Variants in CCDC148 observed in about 807,000 individuals in gnomAD.
The protein encoded by CCDC148 is coiled-coil domain containing 148, also known as coiled-coil domain-containing protein 148.
A neutral mutation model predicts 85.7 loss-of-function variants in CCDC148; 89 were observed. The observed-to-expected ratio is 1.04, with a 90% CI of 0.87 to 1.24. The LOEUF (loss-of-function observed/expected upper bound fraction) is 1.24, where lower values mean the gene tolerates loss of function less well. Among genes scored for constraint, CCDC148 ranks in the 50% most tolerant of loss-of-function variants. The probability of loss-of-function intolerance (pLI) is 0.00; values close to 1 mark genes in which losing one functional copy is unlikely to be tolerated. For synonymous variants in CCDC148, 230 were observed against 213.9 expected (o/e 1.08, Z -0.66); for missense variants, 692 against 671.7 (o/e 1.03, Z -0.33).
intron 9 of CCDC148, among the ~76,000 whole-genome samples, chr2:158,299,132 T>C (rs1322860166): frequency 6.6e-6 from 1 of 152,172 alleles, no homozygotes; most frequent in Non-Finnish European, 1.5e-5. Flanking sequence ...CGGCATGGCC[T>C]TTCTAGGGTT....
At chr2:158,371,947 C>T (rs1337869449) in intron 1 of CCDC148, among the ~76,000 whole-genome samples, 1 of 151,980 alleles carries the variant, frequency 6.6e-6, no homozygotes, top group Non-Finnish European at 1.5e-5. Flanking sequence ...TAGAGAGTCT[C>T]AATCAACCTT....
chr2:158,371,608 A>G (rs1290400594), intron 1 of CCDC148, among the ~76,000 whole-genome samples: 1 of 151,934 alleles, frequency 6.6e-6, no homozygotes, highest in African/African-American at 2.4e-5. Context: ...ATACAATTCC[A>G]CAAGTTATTT....
chr2:158,285,895 G>A (rs1411680221), intron 9 of CCDC148, among the ~76,000 whole-genome samples: 3 of 152,154 alleles, frequency 2.0e-5, no homozygotes, highest in African/African-American at 7.2e-5. Context: ...AGACAAAAAT[G>A]GCCCTTATCA....
intron 7 of CCDC148, among the ~76,000 whole-genome samples, chr2:158,338,002 C>T (rs1324090656): frequency 2.0e-5 from 3 of 151,978 alleles, no homozygotes; most frequent in African/African-American, 7.3e-5. Flanking sequence ...TACATTCTTT[C>T]GGGGAAAATA....
rs191820474 is a variant in CCDC148 at position 158,272,421 on chromosome 2, T to G, written c.1111-21509A>C. On this transcript the variant is annotated intron_variant, in intron 9 of 13. Transcript: ENST00000283233. ...TTCTCGGATGAATGGAATAAAGTATTCTTGAATAAAAGTCAAAAAGAAAAA... is the reference window on the plus strand; with the variant it reads ...TTCTCGGATGAATGGAATAAAGTATGCTTGAATAAAAGTCAAAAAGAAAAA... Among the ~76,000 whole-genome samples the G allele has an allele frequency of 3.2e-3, 489 of 152,306 alleles. 3 individuals are homozygous for G. Among genetic ancestry groups the G allele is most frequent in the African/African-American group, 0.011 (470 of 41,576 alleles).
intron 1 of CCDC148, among the ~76,000 whole-genome samples, chr2:158,413,827 G>C (rs562850687): frequency 6.6e-6 from 1 of 152,048 alleles, no homozygotes; most frequent in Non-Finnish European, 1.5e-5. Flanking sequence ...GCTGTAATTT[G>C]TTACCACTGG....
intron 9 of CCDC148, among the ~76,000 whole-genome samples, chr2:158,291,345 T>G (rs1234904035): frequency 6.6e-6 from 1 of 152,140 alleles, no homozygotes; most frequent in South Asian, 2.1e-4. Context: ...CTCCTTGATG[T>G]TGCACACAAG....
intron 9 of CCDC148, among the ~76,000 whole-genome samples, chr2:158,301,155 G>T (rs1691422710): frequency 6.6e-6 from 1 of 152,094 alleles, no homozygotes; most frequent in Admixed American, 6.5e-5. Context: ...CACTGTGCCT[G>T]GCCTGAATTG....
chr2:158,199,394 G>A (rs190674453), intron 11 of CCDC148, among the ~76,000 whole-genome samples: 258 of 152,036 alleles, frequency 1.7e-3, no homozygotes, highest in African/African-American at 5.7e-3. Context: ...ATAGGCATCC[G>A]CCACCACCCC....
intron 1 of CCDC148, among the ~76,000 whole-genome samples, chr2:158,383,516 T>C (rs1157385029): frequency 2.0e-5 from 3 of 152,182 alleles, no homozygotes; most frequent in Non-Finnish European, 2.9e-5. Flanking sequence ...AGAATTATTT[T>C]TATTGTCTTC....
intron 1 of CCDC148, among the ~76,000 whole-genome samples, chr2:158,400,224 A>G (rs1167281206): frequency 6.6e-6 from 1 of 152,054 alleles, no homozygotes; most frequent in Non-Finnish European, 1.5e-5. Flanking sequence ...AGTTCATATG[A>G]AACCAAAAAA....
chr2:158,231,652 A>T (rs1687862282), intron 10 of CCDC148, among the ~76,000 whole-genome samples: 3 of 152,136 alleles, frequency 2.0e-5, no homozygotes, highest in African/African-American at 7.2e-5. Context: ...GTGTATTCTT[A>T]ACACAGCATT....
Position 158,350,603 on chromosome 2 carries a change from T to A in CCDC148, c.148-5285A>T, listed in dbSNP as rs180944072. On this transcript the variant is annotated intron_variant, in intron 2 of 13. Transcript: ENST00000283233. ...AGAGGATTCTAAAACATGAAAAGTA[T>A]CTATGCTTGAAGTAGCATAATTTCT... Among the ~76,000 whole-genome samples the A allele has an allele frequency of 6.0e-4, 92 of 152,324 alleles. 1 individual carries two copies. Among genetic ancestry groups the A allele is most frequent in the African/African-American group, 2.1e-3 (87 of 41,592 alleles).
intron 1 of CCDC148, among the ~76,000 whole-genome samples, chr2:158,417,201 T>G (rs1686540253): frequency 3.3e-5 from 5 of 152,216 alleles, no homozygotes; most frequent in Admixed American, 3.3e-4. Context: ...CAAACTATAT[T>G]AAGGTGTCTG....
chr2:158,309,879 T>C (rs1019556908), intron 8 of CCDC148, among the ~76,000 whole-genome samples: 2 of 152,224 alleles, frequency 1.3e-5, no homozygotes, highest in African/African-American at 2.4e-5. Flanking sequence ...AGTTTCCTCA[T>C]ATAGGATGCA....
chr2:158,318,755 G>A (rs1421462279), intron 7 of CCDC148, among the ~76,000 whole-genome samples: 4 of 150,628 alleles, frequency 2.7e-5, no homozygotes, highest in South Asian at 4.2e-4. Flanking sequence ...TAACATGACC[G>A]AGATAAAATA....
Position 158,280,582 on chromosome 2 carries a change from C to T in CCDC148, c.1110+28851G>A, listed in dbSNP as rs1690232741. Reference sequence around the variant, plus strand: ...AATTCAACAAGAAGAGCTAACTATCCTAAATATATATGCACCCAATACAGA... The same window carrying T: ...AATTCAACAAGAAGAGCTAACTATCTTAAATATATATGCACCCAATACAGA... On this transcript the variant is annotated intron_variant, in intron 9 of 13. Coordinates refer to ENST00000283233, the MANE Select transcript of CCDC148 (RefSeq NM_138803.4). Among the ~76,000 whole-genome samples, 6 of 152,232 alleles carry T rather than the reference C, an allele frequency of 3.9e-5. 1 individual carries two copies. In the South Asian group the frequency reaches 1.2e-3, roughly 32 times the overall value.
chr2:158,222,323 T>C (rs1000775938), intron 10 of CCDC148, among the ~76,000 whole-genome samples: 7 of 152,182 alleles, frequency 4.6e-5, no homozygotes, highest in African/African-American at 1.4e-4. Context: ...ACTTGATCAC[T>C]TGATACACTG....
intron 10 of CCDC148, among the ~76,000 whole-genome samples, chr2:158,244,496 G>A (rs1040663779): frequency 1.3e-5 from 2 of 152,104 alleles, no homozygotes; most frequent in South Asian, 2.1e-4. Flanking sequence ...CTATGGGCCT[G>A]TAGGCTATAG....
Sources: gnomAD v4.1 joint callset for allele counts (sites outside exome capture counted in the v4.1 genomes callset) on GRCh38, gnomAD v4.1.1 for gene constraint, MANE v1.5 for transcripts, NCBI Gene and HGNC (gene_info 2026-07-23, HGNC 2026-07-21) for gene names.